Variants in CNTNAP2 observed in about 807,000 individuals in gnomAD.
CNTNAP2 encodes the protein contactin associated protein 2, also known as contactin-associated protein-like 2.
A neutral mutation model predicts 155.2 loss-of-function variants in CNTNAP2; 98 were observed. The ratio of observed to expected loss-of-function variants is 0.63; its 90% CI spans 0.54 to 0.75. CNTNAP2 has a LOEUF of 0.75. Among genes scored for constraint, CNTNAP2 ranks in the 30% least tolerant of loss-of-function variants. CNTNAP2 has a pLI of 0.00. For missense variants in CNTNAP2, 1,727 were observed against 1,688.1 expected (o/e 1.02, Z -0.40); for synonymous variants, 651 against 631.2 (o/e 1.03, Z -0.47).
intron 1 of CNTNAP2, among the ~76,000 whole-genome samples, chr7:146,769,878 C>A (rs901507023): frequency 6.6e-6 from 1 of 151,976 alleles, no homozygotes; most frequent in African/African-American, 2.4e-5. Context: ...CTTACAAAAG[C>A]AATCTGTGGG....
In CNTNAP2 at chr7:147,487,722, G is replaced by T. The variant is rs1584765453; in HGVS notation, c.1777+1681G>T. 7.2e-5 allele frequency among the ~76,000 whole-genome samples: 11 copies of T among 151,964 alleles called. No individual in the cohort carries two copies. The South Asian group carries it at 2.3e-3, about 32-fold the overall frequency. On this transcript the variant is annotated intron_variant, in intron 11 of 23. Coordinates refer to ENST00000361727, the MANE Select transcript of CNTNAP2 (RefSeq NM_014141.6). ...AAAAGGCAAAAAAAAAAATTAAAATGTATGCTACTGGTTGAGTAGCTGAGG... is the reference window on the plus strand; with the variant it reads ...AAAAGGCAAAAAAAAAAATTAAAATTTATGCTACTGGTTGAGTAGCTGAGG...
At chr7:146,419,415 A>G (rs1249812953) in intron 1 of CNTNAP2, among the ~76,000 whole-genome samples, 1 of 152,092 alleles carries the variant, frequency 6.6e-6, no homozygotes, top group Non-Finnish European at 1.5e-5. Context: ...GGAATGTAGG[A>G]CAATAAATTT....
chr7:146,415,214 A>G (rs1439177538), intron 1 of CNTNAP2, among the ~76,000 whole-genome samples: 5 of 152,152 alleles, frequency 3.3e-5, no homozygotes, highest in Non-Finnish European at 5.9e-5. Flanking sequence ...AAACACACAC[A>G]CACATACCAC....
intron 19 of CNTNAP2, among the ~76,000 whole-genome samples, chr7:148,218,395 A>C (rs1368071846): frequency 6.6e-6 from 1 of 152,080 alleles, no homozygotes; most frequent in African/African-American, 2.4e-5. Context: ...GCAGGAGTTT[A>C]TTTTAATTTT....
At chr7:147,070,100 T>C (rs1416824572) in intron 4 of CNTNAP2, among the ~76,000 whole-genome samples, 2 of 152,154 alleles carry the variant, frequency 1.3e-5, no homozygotes, top group African/African-American at 4.8e-5. Context: ...GACCTGAAAA[T>C]CTCTTTTCAA....
chr7:147,665,810 T>C (rs1440994360), intron 13 of CNTNAP2, among the ~76,000 whole-genome samples: 1 of 152,232 alleles, frequency 6.6e-6, no homozygotes, highest in Non-Finnish European at 1.5e-5. Context: ...CTCATTCTTT[T>C]GTACGGCTGC....
intron 1 of CNTNAP2, among the ~76,000 whole-genome samples, chr7:146,716,675 C>G (rs192921285): frequency 6.6e-5 from 10 of 152,198 alleles, no homozygotes; most frequent in Non-Finnish European, 1.3e-4. Context: ...GTCTCCAAGC[C>G]CCAGATTTCT....
chr7:146,367,159 A>C (rs1475972362), intron 1 of CNTNAP2, among the ~76,000 whole-genome samples: 1 of 152,270 alleles, frequency 6.6e-6, no homozygotes, highest in Non-Finnish European at 1.5e-5. Flanking sequence ...TTGATGACTA[A>C]TATCATGGAT....
intron 15 of CNTNAP2, among the ~76,000 whole-genome samples, chr7:148,106,493 G>GATAGATAGATAGATAGATATAT (rs1490418389): frequency 3.2e-5 from 4 of 124,912 alleles, no homozygotes; most frequent in African/African-American, 1.4e-4. Context: ...CACACTTTGA[G>GATAGATAGATAGATAGATATAT]ATATATATAT....
intron 4 of CNTNAP2, among the ~76,000 whole-genome samples, chr7:147,089,233 CA>C (rs1203102604): frequency 1.3e-5 from 2 of 152,178 alleles, no homozygotes; most frequent in Non-Finnish European, 2.9e-5. Flanking sequence ...CATCTTGTAG[CA>C]GTTCCACTTG....
At chr7:146,124,861 A>G (rs1352112062) in intron 1 of CNTNAP2, among the ~76,000 whole-genome samples, 2 of 152,176 alleles carry the variant, frequency 1.3e-5, no homozygotes, top group Non-Finnish European at 1.5e-5. Flanking sequence ...TATTTTACTC[A>G]GTGGATTTGA....
chr7:146,719,353 A>G (rs1340193449), intron 1 of CNTNAP2, among the ~76,000 whole-genome samples: 1 of 152,196 alleles, frequency 6.6e-6, no homozygotes, highest in Non-Finnish European at 1.5e-5. Flanking sequence ...GCAAGTTTTA[A>G]TCTATGTCCC....
intron 1 of CNTNAP2, among the ~76,000 whole-genome samples, chr7:146,339,523 T>C (rs964667688): frequency 1.3e-5 from 2 of 152,198 alleles, no homozygotes; most frequent in African/African-American, 4.8e-5. Flanking sequence ...TACATGAATG[T>C]TGAATGTTTG....
chr7:147,774,165 G>A (rs1797521379), intron 13 of CNTNAP2, among the ~76,000 whole-genome samples: 1 of 152,000 alleles, frequency 6.6e-6, no homozygotes. Flanking sequence ...ATGCTATCTG[G>A]CAGGGTATAG....
At chr7:147,984,565 G>T (rs1801584625) in intron 15 of CNTNAP2, among the ~76,000 whole-genome samples, 1 of 152,036 alleles carries the variant, frequency 6.6e-6, no homozygotes, top group South Asian at 2.1e-4. Context: ...AATCTCTTAT[G>T]CTCTCGGGGA....
At chr7:146,255,231 G>A (rs1331361120) in intron 1 of CNTNAP2, among the ~76,000 whole-genome samples, 2 of 152,168 alleles carry the variant, frequency 1.3e-5, no homozygotes, top group Admixed American at 1.3e-4. Flanking sequence ...TGTGATGAGT[G>A]ATTTCAAGCT....
intron 3 of CNTNAP2, among the ~76,000 whole-genome samples, chr7:146,856,189 G>T (rs1024599234): frequency 6.6e-6 from 1 of 151,792 alleles, no homozygotes; most frequent in South Asian, 2.1e-4. Flanking sequence ...CACCTTTAGA[G>T]AAAAATAGAA....
At chr7:146,924,250 T>A (rs184319600) in intron 3 of CNTNAP2, among the ~76,000 whole-genome samples, 131 of 152,196 alleles carry the variant, frequency 8.6e-4, no homozygotes, top group African/African-American at 2.1e-3. Context: ...AGATTTTTTT[T>A]AAATTTTTAT....
At chr7:147,098,086 A>C (rs988845921) in intron 4 of CNTNAP2, among the ~76,000 whole-genome samples, 1 of 152,180 alleles carries the variant, frequency 6.6e-6, no homozygotes, top group Non-Finnish European at 1.5e-5. Context: ...AACTGTTGCC[A>C]ACACTGTAAG....
Sources: allele counts gnomAD v4.1 joint callset (sites outside exome capture counted in the v4.1 genomes callset), GRCh38; gene constraint gnomAD v4.1.1; transcripts MANE v1.5; gene names NCBI Gene and HGNC (gene_info 2026-07-23, HGNC 2026-07-21).